The following PDE4B variants were observed in gnomAD, a reference collection of about 807,000 sequenced individuals.
PDE4B encodes phosphodiesterase 4B.
In PDE4B, 20 loss-of-function variants were observed where a neutral mutation model predicts 82.2. That is an observed-to-expected ratio of 0.24 (90% confidence interval 0.17 to 0.35). The LOEUF is 0.35. Ranked by LOEUF, PDE4B falls within the 10% of genes least tolerant of loss-of-function variation. The pLI is 1.00. For missense variants in PDE4B, 655 were observed against 907.2 expected (o/e 0.72, Z 3.57); for synonymous variants, 320 against 318.9 (o/e 1.00, Z -0.04).
intron 1 of PDE4B, among the ~76,000 whole-genome samples, chr1:65,894,406 T>C (rs976082365): frequency 6.6e-6 from 1 of 152,114 alleles, no homozygotes; most frequent in Non-Finnish European, 1.5e-5. Context: ...CATATACATA[T>C]GAAACTTAAA....
chr1:66,032,858 G>C (rs1557512663), intron 3 of PDE4B, among the ~76,000 whole-genome samples: 1 of 150,814 alleles, frequency 6.6e-6, no homozygotes, highest in African/African-American at 2.4e-5. Flanking sequence ...GTTTCACCGT[G>C]TCAGCCAGGA....
At chr1:66,046,476 C>T (rs1654720666) in intron 3 of PDE4B, among the ~76,000 whole-genome samples, 1 of 151,748 alleles carries the variant, frequency 6.6e-6, no homozygotes, top group African/African-American at 2.4e-5. Flanking sequence ...TATCTGTACT[C>T]ATTCTAATAT....
chr1:66,262,786 C>A (rs1366591298), intron 6 of PDE4B, among the ~76,000 whole-genome samples: 3 of 152,188 alleles, frequency 2.0e-5, no homozygotes, highest in Non-Finnish European at 4.4e-5. Flanking sequence ...AAAGCTTCCA[C>A]ACAGAGATGC....
Position 66,221,153 on chromosome 1 carries a change from C to A in PDE4B, c.282-26307C>A, listed in dbSNP as rs115857165. Reference sequence around the variant, plus strand: ...CCAAGGCAGCCCTAGAGAGAAAAAGCAGGACCCTTCAGAGAGGCTTCCTAA... The same window carrying A: ...CCAAGGCAGCCCTAGAGAGAAAAAGAAGGACCCTTCAGAGAGGCTTCCTAA... On this transcript the variant is annotated intron_variant, in intron 3 of 16. Transcript: ENST00000341517. Among the ~76,000 whole-genome samples, 1,239 of 152,188 alleles carry A rather than the reference C, an allele frequency of 8.1e-3. 11 individuals carry two copies. Among genetic ancestry groups the A allele is most frequent in the African/African-American group, 0.028 (1,181 of 41,538 alleles).
At chr1:65,827,632 A>G (rs1271829004) in intron 1 of PDE4B, among the ~76,000 whole-genome samples, 1 of 152,238 alleles carries the variant, frequency 6.6e-6, no homozygotes, top group Non-Finnish European at 1.5e-5. Flanking sequence ...GAAGAAGATC[A>G]GAGCATCCAA....
chr1:66,369,526 CAGGGGACAATAGTCTGG>C (rs1368398062), intron 16 of PDE4B, among the ~76,000 whole-genome samples: 1 of 152,206 alleles, frequency 6.6e-6, no homozygotes, highest in Non-Finnish European at 1.5e-5. Flanking sequence ...GTGCTCAGGA[CAGGGGACAATAGTCTGG>C]AGGGGTGAAT....
intron 3 of PDE4B, among the ~76,000 whole-genome samples, chr1:66,071,318 G>C (rs1282827166): frequency 1.3e-5 from 2 of 151,946 alleles, no homozygotes. Context: ...TATCTGTAGT[G>C]GATAATTATA....
At chr1:66,172,455 G>C (rs748263952) in intron 3 of PDE4B, among the ~76,000 whole-genome samples, 2 of 152,108 alleles carry the variant, frequency 1.3e-5, no homozygotes, top group Admixed American at 6.5e-5. Context: ...ATTTTCCTTT[G>C]GGTATATGCC....
chr1:65,967,810 G>T (rs544161980), intron 3 of PDE4B, among the ~76,000 whole-genome samples: 1 of 152,242 alleles, frequency 6.6e-6, no homozygotes, highest in South Asian at 2.1e-4. Context: ...ATAAGTGGGA[G>T]TTGAACGATG....
At chr1:65,935,563 T>A (rs905705068) in intron 3 of PDE4B, among the ~76,000 whole-genome samples, 1 of 152,174 alleles carries the variant, frequency 6.6e-6, no homozygotes. Context: ...CAATAAAAAA[T>A]TAATCTGAGC....
In PDE4B at chr1:66,355,506, AT is replaced by A; in HGVS notation, c.748-16del. 1 of 1,530,310 alleles carries A rather than the reference AT, an allele frequency of 6.5e-7. No homozygotes were observed. Among genetic ancestry groups the A allele is most frequent in the Non-Finnish European group, 9.0e-7 (1 of 1,107,644 alleles). The allele number at this position is 1,530,310 out of a possible 1,614,324, so 94.8% of individuals were successfully genotyped here. ...TTGCTCTTTTTAAAGTGGTTAATGC[AT>A]TTTTGTTCTTTATAAACAGTTCAAA... On this transcript the variant is annotated intron_variant, in intron 8 of 16. Transcript: ENST00000341517.
At chr1:66,097,399 AT>A (rs1381538874) in intron 3 of PDE4B, among the ~76,000 whole-genome samples, 1 of 152,004 alleles carries the variant, frequency 6.6e-6, no homozygotes, top group Non-Finnish European at 1.5e-5. Flanking sequence ...TGCCATTCAT[AT>A]TTCTTCCTTG....
rs183335539 is a variant in PDE4B, at chr1:66,056,047, T to C, written c.281+137212T>C. Among the ~76,000 whole-genome samples, 5 of 152,376 alleles carry C rather than the reference T, an allele frequency of 3.3e-5. No homozygotes were observed. The East Asian group carries it at 9.6e-4, about 29-fold the overall frequency. On this transcript the variant is annotated intron_variant, in intron 3 of 16. Transcript: ENST00000341517. ...CCCATAATTGATTTAACTTCATTAT[T>C]TGAATATATCTTATAGTCAGGTATG...
At chr1:66,062,606 G>T (rs1410769249) in intron 3 of PDE4B, among the ~76,000 whole-genome samples, 1 of 152,068 alleles carries the variant, frequency 6.6e-6, no homozygotes, top group African/African-American at 2.4e-5. Context: ...GTTCAGCTAT[G>T]AAATAAAGTG....
intron 6 of PDE4B, among the ~76,000 whole-genome samples, chr1:66,264,519 C>T (rs1379478685): frequency 6.6e-6 from 1 of 152,150 alleles, no homozygotes; most frequent in Non-Finnish European, 1.5e-5. Context: ...CCTAGCACAG[C>T]CTAGCAGAGA....
At chr1:65,987,000 G>A (rs568233812) in intron 3 of PDE4B, among the ~76,000 whole-genome samples, 2 of 152,158 alleles carry the variant, frequency 1.3e-5, no homozygotes, top group South Asian at 2.1e-4. Flanking sequence ...CAAAAAGGAG[G>A]CCAGTGTGGC....
intron 3 of PDE4B, among the ~76,000 whole-genome samples, chr1:65,920,137 G>A (rs1448996344): frequency 1.3e-5 from 2 of 152,154 alleles, no homozygotes; most frequent in Non-Finnish European, 2.9e-5. Context: ...GTATAATTAC[G>A]GATTTGGAGT....
intron 3 of PDE4B, among the ~76,000 whole-genome samples, chr1:65,952,757 T>A (rs1005300244): frequency 6.6e-6 from 1 of 152,108 alleles, no homozygotes; most frequent in Non-Finnish European, 1.5e-5. Context: ...TGACTCCTGC[T>A]TTTCACTCAA....
At chr1:66,021,089 T>A (rs1309252714) in intron 3 of PDE4B, among the ~76,000 whole-genome samples, 1 of 152,258 alleles carries the variant, frequency 6.6e-6, no homozygotes, top group African/African-American at 2.4e-5. Flanking sequence ...TTTTTTCATG[T>A]GTCTGTTGGC....
Sources: gnomAD v4.1 joint callset for allele counts (sites outside exome capture counted in the v4.1 genomes callset) on GRCh38, gnomAD v4.1.1 for gene constraint, MANE v1.5 for transcripts, NCBI Gene and HGNC (gene_info 2026-07-23, HGNC 2026-07-21) for gene names.